SPPL3: variants seen among roughly 807,000 people sequenced by gnomAD.
SPPL3 encodes signal peptide peptidase like 3, also known as signal peptide peptidase-like 3.
SPPL3 carries 5 observed loss-of-function variants against 42.4 expected under a neutral mutation model. The observed-to-expected ratio is 0.12, with a 90% CI of 0.06 to 0.25. SPPL3 has a LOEUF of 0.25. SPPL3 is among the 10% of genes least tolerant of loss of function. The probability of loss-of-function intolerance (pLI) is 1.00; values close to 1 mark genes in which losing one functional copy is unlikely to be tolerated. For synonymous variants in SPPL3, 195 were observed against 181.8 expected (o/e 1.07, Z -0.58); for missense variants, 235 against 489.0 (o/e 0.48, Z 4.90).
intron 1 of SPPL3, among the ~76,000 whole-genome samples, chr12:120,843,732 C>T (rs1405035457): frequency 2.6e-5 from 4 of 152,116 alleles, no homozygotes; most frequent in Non-Finnish European, 5.9e-5. Context: ...GTGGGTGGAT[C>T]GCTTGAGGTC....
intron 1 of SPPL3, among the ~76,000 whole-genome samples, chr12:120,894,192 C>T (rs182683938): frequency 7.9e-5 from 12 of 152,200 alleles, no homozygotes; most frequent in African/African-American, 2.9e-4. Context: ...GGCGTGGTGG[C>T]GCATGCCCGT....
At chr12:120,781,348 C>G (rs1869529598) in intron 6 of SPPL3, among the ~76,000 whole-genome samples, 1 of 151,748 alleles carries the variant, frequency 6.6e-6, no homozygotes, top group African/African-American at 2.4e-5. Context: ...AGGTATTCAT[C>G]CTTAATACTC....
chr12:120,768,429 C>G lies in SPPL3; in HGVS notation c.669G>C (p.Pro223=), dbSNP rs370740672. Reference sequence around the variant, plus strand: ...ATAGAACGTCAAGGGGATTGTCAGCCGGCTGAGTGGCCACCTTCACCATGA... The same window carrying G: ...ATAGAACGTCAAGGGGATTGTCAGCGGGCTGAGTGGCCACCTTCACCATGA... ...SNVMVKVATQ[P]ADNPLDVLSR... Residue 223 remains proline, a synonymous_variant, in exon 8 of 11, where the codon CCG becomes CCC. Coordinates refer to ENST00000353487, the MANE Select transcript of SPPL3 (RefSeq NM_139015.5). The G allele has an allele frequency of 6.2e-6, 10 of 1,614,166 alleles. No individual in the cohort carries two copies. In the East Asian group the frequency reaches 2.2e-4, roughly 36 times the overall value.
intron 5 of SPPL3, 100 bp from the exon 6 acceptor site, chr12:120,782,867 A>G (rs1258956719): frequency 1.2e-6 from 1 of 832,984 alleles, no homozygotes; most frequent in Non-Finnish European, 1.9e-6. Context: ...ATAGCAGATA[A>G]TACCAAGATA....
At chr12:120,810,195 T>C (rs980501886) in intron 2 of SPPL3, among the ~76,000 whole-genome samples, 12 of 152,130 alleles carry the variant, frequency 7.9e-5, no homozygotes, top group Admixed American at 6.5e-5. Flanking sequence ...TTGCCCAGGC[T>C]AGTCTTGAAC....
At chr12:120,876,199 T>C (rs939416608) in intron 1 of SPPL3, among the ~76,000 whole-genome samples, 2 of 151,742 alleles carry the variant, frequency 1.3e-5, no homozygotes, top group African/African-American at 2.4e-5. Context: ...TTAAAAAGAC[T>C]GAAATAATAC....
intron 1 of SPPL3, among the ~76,000 whole-genome samples, chr12:120,862,161 CTG>C (rs1242232896): frequency 6.6e-6 from 1 of 152,118 alleles, no homozygotes; most frequent in Non-Finnish European, 1.5e-5. Flanking sequence ...GACATTGAAA[CTG>C]TGAATATGAA....
At chr12:120,839,326 G>A (rs1181953647) in intron 1 of SPPL3, among the ~76,000 whole-genome samples, 2 of 138,570 alleles carry the variant, frequency 1.4e-5, no homozygotes, top group Non-Finnish European at 3.1e-5. Flanking sequence ...CATGGACACA[G>A]GAAGGGGAAC....
At chr12:120,864,331 T>A (rs1872699676) in intron 1 of SPPL3, among the ~76,000 whole-genome samples, 1 of 152,042 alleles carries the variant, frequency 6.6e-6, no homozygotes, top group African/African-American at 2.4e-5. Flanking sequence ...GGTCAGGAGT[T>A]CAAGACCAGC....
At chr12:120,853,400 T>C (rs1872328109) in intron 1 of SPPL3, among the ~76,000 whole-genome samples, 1 of 152,222 alleles carries the variant, frequency 6.6e-6, no homozygotes, top group African/African-American at 2.4e-5. Context: ...CACTTACTCA[T>C]TCAAATGTCA....
intron 1 of SPPL3, among the ~76,000 whole-genome samples, chr12:120,846,053 C>T (rs1199341719): frequency 3.3e-5 from 5 of 152,108 alleles, no homozygotes; most frequent in African/African-American, 1.2e-4. Flanking sequence ...CATGCCACCA[C>T]GCCCAGCTGA....
intron 2 of SPPL3, among the ~76,000 whole-genome samples, chr12:120,795,789 T>C (rs1183301881): frequency 6.6e-6 from 1 of 152,214 alleles, no homozygotes; most frequent in Non-Finnish European, 1.5e-5. Flanking sequence ...TATTTCTTCA[T>C]GTATTATTCT....
intron 1 of SPPL3, among the ~76,000 whole-genome samples, chr12:120,836,078 T>C (rs1352669787): frequency 6.6e-6 from 1 of 152,070 alleles, no homozygotes; most frequent in East Asian, 1.9e-4. Context: ...CCATGTGCCA[T>C]CATTTCTGTA....
At chr12:120,853,978 A>G (rs1592996802) in intron 1 of SPPL3, among the ~76,000 whole-genome samples, 1 of 106,808 alleles carries the variant, frequency 9.4e-6, no homozygotes, top group South Asian at 3.5e-4. Context: ...ACACACACGC[A>G]CACATACACA....
chr12:120,772,902 G>A (rs181764975), intron 6 of SPPL3, among the ~76,000 whole-genome samples: 1 of 152,280 alleles, frequency 6.6e-6, no homozygotes, highest in African/African-American at 2.4e-5. Context: ...TGTGAGTTCT[G>A]GAGAGATGTG....
chr12:120,773,478 C>CG (rs1869197311), intron 6 of SPPL3, among the ~76,000 whole-genome samples: 1 of 152,060 alleles, frequency 6.6e-6, no homozygotes, highest in Non-Finnish European at 1.5e-5. Context: ...CAGGAGTCTG[C>CG]GGGGAGTGAG....
At chr12:120,838,798 C>G (rs1294114374) in intron 1 of SPPL3, among the ~76,000 whole-genome samples, 2 of 152,100 alleles carry the variant, frequency 1.3e-5, no homozygotes, top group African/African-American at 2.4e-5. Flanking sequence ...CAAATCAAAA[C>G]CACAATGAGA....
chr12:120,791,503 A>G lies in SPPL3; in HGVS notation c.156T>C (p.Ser52=). 6.2e-7 allele frequency: 1 copy of G among 1,607,618 alleles called. No homozygotes were observed. The change falls in exon 3 of 11, where the codon TCT becomes TCC. Residue 52 remains serine (S), a synonymous_variant. Transcript: ENST00000353487. ...NQDKEKDSNS[S]SGSFNGNSTN... ...TGCTGTTGCCATTGAAAGACCCAGA[A>G]GAACTATTACTGTCTTTCTCCTTAT...
intron 1 of SPPL3, among the ~76,000 whole-genome samples, chr12:120,837,266 T>C (rs137908597): frequency 5.3e-5 from 8 of 152,322 alleles, no homozygotes; most frequent in South Asian, 2.1e-4. Context: ...CAAGCAATAA[T>C]TGTCCCTTCA....
Sources: allele counts gnomAD v4.1 joint callset (sites outside exome capture counted in the v4.1 genomes callset), GRCh38; gene constraint gnomAD v4.1.1; transcripts MANE v1.5; gene names NCBI Gene and HGNC (gene_info 2026-07-23, HGNC 2026-07-21).